The following KATNIP variants were observed in gnomAD, a reference collection of about 807,000 sequenced individuals.
The protein encoded by KATNIP is katanin interacting protein.
KATNIP carries 126 observed loss-of-function variants against 174.0 expected under a neutral mutation model. That is an observed-to-expected ratio of 0.72 (90% CI 0.63 to 0.84). KATNIP has a LOEUF of 0.84. Ranked by LOEUF, KATNIP falls within the 40% of genes least tolerant of loss-of-function variation. The pLI is 0.00. For synonymous variants in KATNIP, 810 were observed against 835.7 expected (o/e 0.97, Z 0.53); for missense variants, 1,958 against 2,109.7 (o/e 0.93, Z 1.41).
intron 2 of KATNIP, among the ~76,000 whole-genome samples, chr16:27,591,572 A>G (rs2075167561): frequency 6.6e-6 from 1 of 152,140 alleles, no homozygotes; most frequent in Non-Finnish European, 1.5e-5. Context: ...AAGCCTTAGC[A>G]TTCTCACCTC....
At chr16:27,553,837 G>T (rs976457168) in intron 1 of KATNIP, among the ~76,000 whole-genome samples, 1 of 151,776 alleles carries the variant, frequency 6.6e-6, no homozygotes, top group Admixed American at 6.6e-5. Flanking sequence ...AGGTATAGTG[G>T]CTCGTGCCTG....
rs780843118 is a variant in KATNIP at position 27,573,904 on chromosome 16, A to G, written c.11A>G (p.Gln4Arg). 6.2e-7 allele frequency: 1 copy of G among 1,614,206 alleles called. No individual in the cohort carries two copies. The highest frequency in any genetic ancestry group is 1.7e-5 in the Admixed American group (1 of 60,022). ...TTCTGCTTTTGAACTGCGACAGGTC[A>G]GACTCTGCGAAAGGCCGAGAGAAGC... MDG[Q>R]TLRKAERSWS... Residue 4 changes from glutamine (Q) to arginine (R), a missense_variant, in exon 2 of 28, where the codon CAG becomes CGG. This residue lies in a region of KATNIP where 1,557 missense variants were observed against 1,617.8 expected (regional missense o/e 0.96). Transcript: ENST00000261588.
intron 6 of KATNIP, among the ~76,000 whole-genome samples, chr16:27,655,547 G>A (rs1037139332): frequency 6.6e-6 from 1 of 151,870 alleles, no homozygotes; most frequent in South Asian, 2.1e-4. Flanking sequence ...GCTGCGCCTG[G>A]CCAGAAGATG....
intron 18 of KATNIP, among the ~76,000 whole-genome samples, chr16:27,761,204 G>A (rs1051559253): frequency 4.0e-4 from 61 of 152,214 alleles, no homozygotes; most frequent in Non-Finnish European, 4.4e-5. Flanking sequence ...CCTCGCCCAT[G>A]CAGCTTACCG....
intron 6 of KATNIP, 71 bp from the exon 7 acceptor site, chr16:27,677,658 G>T: frequency 7.1e-7 from 1 of 1,415,370 alleles, no homozygotes. Flanking sequence ...TGGTTCAAAT[G>T]ATCTATTTTC....
At chr16:27,551,438 G>A (rs2089363364) in intron 1 of KATNIP, among the ~76,000 whole-genome samples, 1 of 152,146 alleles carries the variant, frequency 6.6e-6, no homozygotes, top group East Asian at 1.9e-4. Context: ...ATGTAATGTT[G>A]CTATAGAACA....
chr16:27,777,546 T>A lies in KATNIP; in HGVS notation c.4552-64T>A. The A allele has an allele frequency of 6.7e-7, 1 of 1,499,896 alleles. No homozygotes were observed. The highest frequency in any genetic ancestry group is 9.0e-7 in the Non-Finnish European group (1 of 1,110,826). The allele number at this position is 1,499,896 out of a possible 1,614,324, so 92.9% of individuals were successfully genotyped here. Reference sequence around the variant, plus strand: ...GCCTTGGCTCAGAGCAGTAACGCGTTCTGCCCAAGGTCAACGTGGGAGGGA... The same window carrying A: ...GCCTTGGCTCAGAGCAGTAACGCGTACTGCCCAAGGTCAACGTGGGAGGGA... On this transcript the variant is annotated intron_variant, in intron 25 of 27. Transcript: ENST00000261588. This position sits in a 1 kb window ranked among gnomAD's most constrained non-coding sequence, Gnocchi z 4.4.
chr16:27,657,446 G>A (rs1371763299), intron 6 of KATNIP, among the ~76,000 whole-genome samples: 1 of 152,130 alleles, frequency 6.6e-6, no homozygotes. Context: ...AGAGAAAAAT[G>A]GCCGGGCACA....
At position 27,740,569 on chromosome 16, in the gene KATNIP, T is replaced by A. The variant is rs752925606; in HGVS notation, c.2272T>A (p.Ser758Thr). The change falls in exon 15 of 28, where the codon TCT becomes ACT. Residue 758 changes from serine (S) to threonine (T), a missense_variant. By Grantham distance (58) the Ser-to-Thr change is moderately conservative (BLOSUM62 1). This residue lies in a region of KATNIP where 1,557 missense variants were observed against 1,617.8 expected (regional missense o/e 0.96). Transcript: ENST00000261588. ...PGKTPSWLQPSPTGKDRKQGG... is the reference protein window; with the variant it reads ...PGKTPSWLQPTPTGKDRKQGG... Reference sequence around the variant, plus strand: ...GAAAACCCCATCCTGGTTACAACCTTCTCCCACCGGCAAGGACAGGAAGCA... The same window carrying A: ...GAAAACCCCATCCTGGTTACAACCTACTCCCACCGGCAAGGACAGGAAGCA... The A allele has an allele frequency of 6.2e-7, 1 of 1,613,912 alleles. No homozygotes were observed. The highest frequency in any genetic ancestry group is 8.5e-7 in the Non-Finnish European group (1 of 1,179,978).
intron 6 of KATNIP, among the ~76,000 whole-genome samples, chr16:27,657,309 G>T (rs1175896149): frequency 1.3e-5 from 2 of 152,124 alleles, no homozygotes; most frequent in African/African-American, 4.8e-5. Context: ...AAGGGTATTT[G>T]GGTGTTCATT....
chr16:27,634,436 G>A (rs1407819439), intron 5 of KATNIP, among the ~76,000 whole-genome samples: 2 of 152,202 alleles, frequency 1.3e-5, no homozygotes, highest in Non-Finnish European at 2.9e-5. Context: ...CAAAAGCATG[G>A]CCACTTAGCC....
chr16:27,646,050 T>C (rs1597046353), intron 5 of KATNIP, among the ~76,000 whole-genome samples: 1 of 152,108 alleles, frequency 6.6e-6, no homozygotes, highest in Non-Finnish European at 1.5e-5. Context: ...GGCATTCAGA[T>C]TGGGAGAATA....
chr16:27,741,905 A>C (rs1324765412), intron 15 of KATNIP, among the ~76,000 whole-genome samples: 1 of 152,224 alleles, frequency 6.6e-6, no homozygotes, highest in Non-Finnish European at 1.5e-5. Flanking sequence ...CCGTCTCAAA[A>C]AAAAATAATG....
chr16:27,592,941 T>C (rs1005462627), intron 2 of KATNIP, among the ~76,000 whole-genome samples: 2 of 152,210 alleles, frequency 1.3e-5, no homozygotes, highest in Non-Finnish European at 2.9e-5. Flanking sequence ...TAGTCTAGTT[T>C]AGCAGAAGGG....
At chr16:27,682,442 T>C (rs917719206) in intron 8 of KATNIP, among the ~76,000 whole-genome samples, 2 of 152,206 alleles carry the variant, frequency 1.3e-5, no homozygotes, top group East Asian at 1.9e-4. Flanking sequence ...AAGATTCTTC[T>C]GGCTGCCACG....
chr16:27,774,963 A>T lies in KATNIP; in HGVS notation c.4328A>T (p.Asp1443Val). 1 of 1,613,862 alleles carries T rather than the reference A, an allele frequency of 6.2e-7. No individual in the cohort carries two copies. The highest frequency in any genetic ancestry group is 1.1e-5 in the South Asian group (1 of 91,072). ...TCCTCAGATATTGCGGCCTTCCCCG[A>T]CAGCGTGAACTCCCTGGAGGGTGTG... is the stretch of plus-strand genomic sequence containing the variant. ...LSENNIAAFP[D>V]SVNSLEGVGG... Residue 1443 changes from aspartate (D) to valine (V), a missense_variant, in exon 24 of 28, where the codon GAC (aspartate) becomes GTC (valine). Asp to Val is a radical substitution (Grantham distance 152). Transcript: ENST00000261588.
chr16:27,690,538 G>C (rs2078695464), intron 8 of KATNIP, among the ~76,000 whole-genome samples: 1 of 152,184 alleles, frequency 6.6e-6, no homozygotes. Context: ...TGCAGTTCCC[G>C]ATGCCATAGG....
In KATNIP at chr16:27,661,963, CATATATAT is replaced by C. The variant is rs56379426; in HGVS notation, c.540+13244_540+13251del. 5.9e-4 allele frequency among the ~76,000 whole-genome samples: 4 copies of C among 6,752 alleles called. 2 individuals are homozygous for C. The highest frequency in any genetic ancestry group is 2.4e-3 in the African/African-American group (4 of 1,652). 4.4% of individuals were successfully genotyped at this position (6,752 alleles called of 152,430 possible). ...ATATATATATATATATATACACATA[CATATATAT>C]ATATATATATATATACACATACATA... On this transcript the variant is annotated intron_variant, in intron 6 of 27. Transcript: ENST00000261588.
intron 2 of KATNIP, among the ~76,000 whole-genome samples, chr16:27,584,659 T>C (rs1478051344): frequency 6.6e-6 from 1 of 151,924 alleles, no homozygotes; most frequent in Non-Finnish European, 1.5e-5. Flanking sequence ...TGTGTGTTGG[T>C]GGGTGCCTGT....
Sources: allele counts gnomAD v4.1 joint callset (sites outside exome capture counted in the v4.1 genomes callset), GRCh38; gene constraint gnomAD v4.1.1; regional missense constraint gnomAD v4.1.1; non-coding constraint Gnocchi (gnomAD v3.1); transcripts MANE v1.5; gene names NCBI Gene and HGNC (gene_info 2026-07-23, HGNC 2026-07-21).